Variants in PODN observed in about 807,000 individuals in gnomAD.
PODN encodes podocan proteoglycan.
Under a neutral mutation model 52.7 loss-of-function variants are expected in PODN, and 40 were observed. The ratio of observed to expected loss-of-function variants is 0.76; its 90% CI spans 0.59 to 0.99. The LOEUF is 0.99. Among genes scored for constraint, PODN ranks in the 50% least tolerant of loss-of-function variants. The pLI is 0.00. For missense variants in PODN, 720 were observed against 815.1 expected, an observed-to-expected ratio of 0.88 and a Z score of 1.42; for synonymous variants, 396 against 377.9, an observed-to-expected ratio of 1.05 and a Z score of -0.56.
chr1:53,074,793 GACAT>G, intron 4 of PODN, 123 bp downstream of exon 4: 1 of 672,544 alleles, frequency 1.5e-6, no homozygotes, highest in Non-Finnish European at 2.4e-6. Flanking sequence ...TTGCTGCTCA[GACAT>G]GGCCCTGGGT....
rs1274098510 is a variant in PODN at position 53,069,946 on chromosome 1, G to A, written c.91G>A (p.Gly31Ser). The change falls in exon 2 of 11, where the codon GGC becomes AGC. Residue 31 changes from glycine (G) to serine (S), a missense_variant. Coordinates refer to ENST00000312553, the MANE Select transcript of PODN (RefSeq NM_153703.5). ...GCTTGCCGTGAGGGCCCCAGGATTT[G>A]GCCGAAGTGGCGGCCACAGCCTGAG... ...PVLAVRAPGF[G>S]RSGGHSLSPE... The A allele has an allele frequency of 6.3e-7, 1 of 1,595,114 alleles. No homozygotes were observed. Among genetic ancestry groups the A allele is most frequent in the Admixed American group, 1.8e-5 (1 of 56,976 alleles).
chr1:53,077,327 T>C lies in PODN; in HGVS notation c.719T>C (p.Leu240Pro). The change falls in exon 6 of 11, where the codon CTG (leucine) becomes CCG (proline). Residue 240 changes from leucine (L) to proline (P), a missense_variant. By Grantham distance (98) the Leu-to-Pro change is moderately conservative (BLOSUM62 -3). Coordinates refer to ENST00000312553, the MANE Select transcript of PODN (RefSeq NM_153703.5). ...GTGCCCAAGCACCTGCCGCCTGCCC[T>C]GTACAAGCTGCACCTCAAGGTGGGC... ...RHVPKHLPPA[L>P]YKLHLKNNKL... The C allele has an allele frequency of 2.5e-6, 4 of 1,613,134 alleles. No individual in the cohort carries two copies. The highest frequency in any genetic ancestry group is 3.4e-6 in the Non-Finnish European group (4 of 1,179,978).
At chr1:53,075,288 C>A (rs1345296403) in intron 4 of PODN, among the ~76,000 whole-genome samples, 1 of 152,202 alleles carries the variant, frequency 6.6e-6, no homozygotes, top group Non-Finnish European at 1.5e-5. Context: ...GAAGCTACAG[C>A]TTCCCGCCCA....
intron 5 of PODN, among the ~76,000 whole-genome samples, chr1:53,076,378 A>G (rs1298802832): frequency 6.6e-6 from 1 of 152,202 alleles, no homozygotes; most frequent in East Asian, 1.9e-4. Context: ...GGACAACCCC[A>G]GTGCCCTTCC....
At position 53,069,844 on chromosome 1, in the gene PODN, C is replaced by T. The variant is rs1048065937; in HGVS notation, c.-12C>T. ...CCCAGGCGCATCTGACTCGGCACCC[C>T]CTGCAGGCACCATGGCCCAGAGCCG... On this transcript the variant is annotated 5_prime_UTR_variant, in exon 2 of 11. Coordinates refer to ENST00000312553, the MANE Select transcript of PODN (RefSeq NM_153703.5). 6 of 1,578,136 alleles carry T rather than the reference C, an allele frequency of 3.8e-6. No individual in the cohort carries two copies. The highest frequency in any genetic ancestry group is 5.2e-6 in the Non-Finnish European group (6 of 1,162,534).
In PODN at chr1:53,070,085, A is replaced by G; in HGVS notation, c.230A>G (p.Glu77Gly). 1 of 1,612,822 alleles carries G rather than the reference A, an allele frequency of 6.2e-7. No individual in the cohort carries two copies. Reference sequence around the variant, plus strand: ...CCCCGAGACTGTGCCTGTTCCCAGGAGGGCGTCGTGGACTGTGGCGGTATT... The same window carrying G: ...CCCCGAGACTGTGCCTGTTCCCAGGGGGGCGTCGTGGACTGTGGCGGTATT... ...SCPRDCACSQ[E>G]GVVDCGGIDL... is the part of the protein sequence containing the mutation. The change falls in exon 2 of 11, where the codon GAG becomes GGG. Residue 77 changes from glutamate to glycine, a missense_variant. Glu to Gly is a moderately conservative substitution (Grantham distance 98). Transcript: ENST00000312553.
chr1:53,077,661 C>T (rs1356892014), intron 6 of PODN, 24 bp from the exon 7 acceptor site: 20 of 1,598,422 alleles, frequency 1.3e-5, no homozygotes, highest in East Asian at 2.2e-5. Flanking sequence ...CTCACAATCT[C>T]CTCCCTTCCC....
intron 6 of PODN, 26 bp downstream of exon 6, chr1:53,077,372 G>T (rs555455440): frequency 1.2e-6 from 2 of 1,610,718 alleles, no homozygotes; most frequent in Non-Finnish European, 1.7e-6. Flanking sequence ...GTAAGGAGGG[G>T]CACAGCAGAC....
intron 2 of PODN, chr1:53,070,965 G>A (rs113373214): frequency 0.018 from 2,696 of 152,982 alleles, 67 homozygotes; most frequent in African/African-American, 0.056. Flanking sequence ...GGCAGGGCCC[G>A]GCGTTCCCTG....
intron 8 of PODN, 89 bp downstream of exon 8, chr1:53,079,111 A>T: frequency 7.1e-7 from 1 of 1,404,898 alleles, no homozygotes; most frequent in South Asian, 1.5e-5. Context: ...GGGTGAGGAG[A>T]AGGGCTGGGT....
chr1:53,062,463 C>T (rs1356228328), intron 1 of PODN, among the ~76,000 whole-genome samples, 155 bp downstream of exon 1: 1 of 151,486 alleles, frequency 6.6e-6, no homozygotes, highest in Non-Finnish European at 1.5e-5. Context: ...ACCCAGGGCA[C>T]GGCCGGAGAT....
chr1:53,069,842 C>G lies in PODN; in HGVS notation c.-14C>G. ...CGCCCAGGCGCATCTGACTCGGCAC[C>G]CCCTGCAGGCACCATGGCCCAGAGC... On this transcript the variant is annotated 5_prime_UTR_variant, in exon 2 of 11. Coordinates refer to ENST00000312553, the MANE Select transcript of PODN (RefSeq NM_153703.5). 1 of 1,579,214 alleles carries G rather than the reference C, an allele frequency of 6.3e-7. No homozygotes were observed. The highest frequency in any genetic ancestry group is 8.6e-7 in the Non-Finnish European group (1 of 1,162,988).
At chr1:53,079,154 G>A in intron 8 of PODN, 132 bp downstream of exon 8, 1 of 1,224,558 alleles carries the variant, frequency 8.2e-7, no homozygotes, top group East Asian at 2.6e-5. Context: ...TGGCCAGGCT[G>A]AGCTCATTCA....
At chr1:53,071,461 A>G (rs1315784222) in intron 2 of PODN, 74 bp from the exon 3 acceptor site, 3 of 1,239,992 alleles carry the variant, frequency 2.4e-6, no homozygotes, top group African/African-American at 1.5e-5. Context: ...GACTGGAGCT[A>G]TGGGTAGGGA....
intron 1 of PODN, among the ~76,000 whole-genome samples, chr1:53,063,137 G>A (rs2150288966): frequency 6.6e-6 from 1 of 152,368 alleles, no homozygotes; most frequent in South Asian, 2.1e-4. Context: ...CGCTCCGTCA[G>A]GTGGAAGAGG....
chr1:53,073,072 C>T (rs1053953031), intron 3 of PODN: 15 of 224,444 alleles, frequency 6.7e-5, no homozygotes, highest in Non-Finnish European at 9.5e-6. Flanking sequence ...CTAACTAAAG[C>T]AAGCTCCTCC....
At chr1:53,065,995 C>CTTTTTTTTTT (rs780284767) in intron 1 of PODN, among the ~76,000 whole-genome samples, 13 of 115,280 alleles carry the variant, frequency 1.1e-4, no homozygotes, top group African/African-American at 4.4e-4. Flanking sequence ...TTCTAGAGGT[C>CTTTTTTTTTT]TTTTTTTTTT....
At position 53,082,146 on chromosome 1, in the gene PODN, A is replaced by G. The variant is rs780970959; in HGVS notation, c.1827A>G (p.Glu609=). 8 of 1,606,746 alleles carry G rather than the reference A, an allele frequency of 5.0e-6. No individual in the cohort carries two copies. Among genetic ancestry groups the G allele is most frequent in the African/African-American group, 4.0e-5 (3 of 74,698 alleles). Reference sequence around the variant, plus strand: ...AGGAGGAAGAGGAGGAGGAGGAGGAAGAGGAAACAAGATAGTGACAAGGTG... The same window carrying G: ...AGGAGGAAGAGGAGGAGGAGGAGGAGGAGGAAACAAGATAGTGACAAGGTG... The part of the protein sequence containing the change: ...KEEEEEEEEE[E]EETR Residue 609 remains glutamate (E), a synonymous_variant, in exon 10 of 11, where the codon GAA becomes GAG. Coordinates refer to ENST00000312553, the MANE Select transcript of PODN (RefSeq NM_153703.5).
chr1:53,084,268 GC>G (rs1337170189), intron 10 of PODN, among the ~76,000 whole-genome samples: 1 of 151,902 alleles, frequency 6.6e-6, no homozygotes, highest in African/African-American at 2.4e-5. Context: ...GTGAGAATCT[GC>G]CCCATCTCAG....
Sources: allele counts gnomAD v4.1 joint callset (sites outside exome capture counted in the v4.1 genomes callset), GRCh38; gene constraint gnomAD v4.1.1; transcripts MANE v1.5; gene names NCBI Gene and HGNC (gene_info 2026-07-23, HGNC 2026-07-21).